DCLK1: variants seen among roughly 807,000 people sequenced by gnomAD.
The protein encoded by DCLK1 is serine/threonine-protein kinase DCLK1.
DCLK1 carries 16 observed loss-of-function variants against 86.2 expected under a neutral mutation model. That is an observed-to-expected ratio of 0.19 (90% CI 0.13 to 0.28). DCLK1 has a LOEUF of 0.28. DCLK1 is among the 10% of genes least tolerant of loss of function. The pLI, the probability that DCLK1 is intolerant of heterozygous loss-of-function variation, is 1.00. For missense variants in DCLK1, 590 were observed against 940.2 expected, an observed-to-expected ratio of 0.63 and a Z score of 4.87; for synonymous variants, 369 against 370.5, an observed-to-expected ratio of 1.00 and a Z score of 0.05.
At chr13:36,089,277 A>T (rs1884731711) in intron 3 of DCLK1, among the ~76,000 whole-genome samples, 1 of 152,178 alleles carries the variant, frequency 6.6e-6, no homozygotes, top group South Asian at 2.1e-4. Context: ...TGATGAGAAA[A>T]CCTCACATTA....
chr13:35,914,713 C>G lies in DCLK1; in HGVS notation c.823+32645G>C, dbSNP rs1318290533. On this transcript the variant is annotated intron_variant, in intron 4 of 16. Transcript: ENST00000360631. Reference sequence around the variant, plus strand: ...CCTGGGTGGCAGAGTGAGATTCTATCTCAAAAAAAAAAAAAAAGAAACTAA... The same window carrying G: ...CCTGGGTGGCAGAGTGAGATTCTATGTCAAAAAAAAAAAAAAAGAAACTAA... Among the ~76,000 whole-genome samples, 10 of 147,434 alleles carry G rather than the reference C, an allele frequency of 6.8e-5. No homozygotes were observed. In the East Asian group the frequency reaches 2.0e-3, roughly 29 times the overall value.
intron 4 of DCLK1, among the ~76,000 whole-genome samples, chr13:35,929,868 T>TTC (rs1303308572): frequency 1.3e-5 from 2 of 151,448 alleles, no homozygotes; most frequent in Non-Finnish European, 2.9e-5. Context: ...TTTTTCTTTT[T>TTC]TTTTTTTTTA....
chr13:36,045,104 T>G (rs1210537907), intron 3 of DCLK1, among the ~76,000 whole-genome samples: 1 of 151,070 alleles, frequency 6.6e-6, no homozygotes, highest in Non-Finnish European at 1.5e-5. Flanking sequence ...AATTATACTG[T>G]GGAAATTTTC....
At chr13:35,987,897 C>T (rs1289566163) in intron 3 of DCLK1, among the ~76,000 whole-genome samples, 2 of 152,124 alleles carry the variant, frequency 1.3e-5, no homozygotes, top group African/African-American at 4.8e-5. Context: ...GCTTTTATGG[C>T]ACAATCTCCT....
At chr13:35,899,788 T>C (rs1337559972) in intron 4 of DCLK1, among the ~76,000 whole-genome samples, 3 of 152,156 alleles carry the variant, frequency 2.0e-5, no homozygotes, top group Admixed American at 1.3e-4. Flanking sequence ...AATGCATATT[T>C]AGAGTAATAA....
At chr13:36,079,045 T>C (rs1362628418) in intron 3 of DCLK1, among the ~76,000 whole-genome samples, 1 of 151,994 alleles carries the variant, frequency 6.6e-6, no homozygotes, top group Admixed American at 6.6e-5. Flanking sequence ...CACTTTACAT[T>C]AAAGAAGCTG....
At chr13:35,948,249 A>G (rs560116660) in intron 3 of DCLK1, among the ~76,000 whole-genome samples, 2 of 152,376 alleles carry the variant, frequency 1.3e-5, no homozygotes, top group East Asian at 1.9e-4. Flanking sequence ...TTTTGTTCAC[A>G]TTATGTGTAA....
chr13:35,847,251 C>A (rs901814988), intron 6 of DCLK1: 1 of 985,196 alleles, frequency 1.0e-6, no homozygotes, highest in East Asian at 1.1e-4. Flanking sequence ...ATTTGCCATA[C>A]CAGTTGAGCA....
At chr13:35,874,359 A>T (rs769625704) in intron 4 of DCLK1, among the ~76,000 whole-genome samples, 15 of 152,342 alleles carry the variant, frequency 9.8e-5, no homozygotes, top group Admixed American at 3.9e-4. Flanking sequence ...CAAACAGGAG[A>T]TAAGTCATGG....
intron 3 of DCLK1, among the ~76,000 whole-genome samples, chr13:36,021,908 A>T (rs1566649157): frequency 6.6e-6 from 1 of 152,130 alleles, no homozygotes; most frequent in East Asian, 1.9e-4. Context: ...GAATGAATAG[A>T]ACTATATAGT....
intron 3 of DCLK1, among the ~76,000 whole-genome samples, chr13:36,062,929 AT>A (rs1469916466): frequency 6.6e-6 from 1 of 152,180 alleles, no homozygotes; most frequent in African/African-American, 2.4e-5. Flanking sequence ...TGCAAACTTA[AT>A]GAGTATATTT....
intron 3 of DCLK1, among the ~76,000 whole-genome samples, chr13:35,974,051 C>A (rs896972351): frequency 1.3e-5 from 2 of 151,944 alleles, no homozygotes; most frequent in African/African-American, 4.8e-5. Flanking sequence ...TACTAAGTAG[C>A]AAATAGACAT....
intron 3 of DCLK1, among the ~76,000 whole-genome samples, chr13:35,956,517 A>C: frequency 6.6e-6 from 1 of 151,414 alleles, no homozygotes; most frequent in South Asian, 2.1e-4. Flanking sequence ...TAAGGGGTAA[A>C]ATGTGGCACT....
At chr13:35,871,161 A>T (rs1037013302) in intron 5 of DCLK1, 63 bp downstream of exon 5, 1 of 1,360,522 alleles carries the variant, frequency 7.4e-7, no homozygotes, top group East Asian at 2.3e-5. Flanking sequence ...GGCTTCACAC[A>T]CCCTCTGCTC....
At chr13:35,792,195 C>T (rs1052507525) in intron 16 of DCLK1, among the ~76,000 whole-genome samples, 3 of 152,158 alleles carry the variant, frequency 2.0e-5, no homozygotes, top group Admixed American at 6.5e-5. Context: ...GTTGCTCACA[C>T]GCATGTAAAT....
chr13:35,939,185 T>C (rs1876945403), intron 4 of DCLK1, among the ~76,000 whole-genome samples: 1 of 152,098 alleles, frequency 6.6e-6, no homozygotes, highest in Non-Finnish European at 1.5e-5. Flanking sequence ...GGGAACTAGC[T>C]GACGAGAGCA....
intron 6 of DCLK1, among the ~76,000 whole-genome samples, chr13:35,841,480 T>C (rs910026628): frequency 1.3e-5 from 2 of 152,082 alleles, no homozygotes; most frequent in Admixed American, 1.3e-4. Context: ...TTTTCTCTGC[T>C]TTCTGAACAA....
At chr13:35,797,664 A>AACAC (rs146313598) in intron 15 of DCLK1, among the ~76,000 whole-genome samples, 5 of 150,944 alleles carry the variant, frequency 3.3e-5, no homozygotes, top group Admixed American at 2.0e-4. Context: ...CATACATGTA[A>AACAC]ACACACACAC....
intron 3 of DCLK1, among the ~76,000 whole-genome samples, chr13:35,991,847 G>A (rs528562764): frequency 6.6e-6 from 1 of 152,170 alleles, no homozygotes; most frequent in African/African-American, 2.4e-5. Flanking sequence ...TGCCTACCCT[G>A]TTCTAACCTC....
Sources: gnomAD v4.1 joint callset for allele counts (sites outside exome capture counted in the v4.1 genomes callset) on GRCh38, gnomAD v4.1.1 for gene constraint, MANE v1.5 for transcripts, NCBI Gene and HGNC (gene_info 2026-07-23, HGNC 2026-07-21) for gene names.